Variants in FCN3 observed in about 807,000 individuals in gnomAD.
FCN3 encodes ficolin 3, also known as ficolin-3.
Under a neutral mutation model 31.5 loss-of-function variants are expected in FCN3, and 28 were observed. That is an observed-to-expected ratio of 0.89 (90% CI 0.66 to 1.22). The LOEUF (loss-of-function observed/expected upper bound fraction) is 1.22, where lower values mean the gene tolerates loss of function less well. FCN3 is among the 50% of genes most tolerant of loss of function. FCN3 has a pLI of 0.00. For missense variants in FCN3, 351 were observed against 386.8 expected (o/e 0.91, Z 0.78); for synonymous variants, 124 against 147.4 (o/e 0.84, Z 1.15).
intron 3 of FCN3, 73 bp from the exon 4 acceptor site, chr1:27,373,593 T>G: frequency 6.6e-7 from 1 of 1,519,034 alleles, no homozygotes; most frequent in South Asian, 1.1e-5. Context: ...GTGGAGCCGG[T>G]ACCCAGGCCC....
rs2016180371 is a variant in FCN3, at chr1:27,373,118, C to T, written c.393+18G>A. ...GACCAGTGGGCCTGGCCTGTTAGCC[C>T]ATTTCTCAGACACTCACCAGCCAGC... On this transcript the variant is annotated intron_variant, in intron 5 of 7. Coordinates refer to ENST00000270879, the MANE Select transcript of FCN3 (RefSeq NM_003665.4). 1.2e-6 allele frequency: 2 copies of T among 1,612,766 alleles called. No homozygotes were observed. The highest frequency in any genetic ancestry group is 1.7e-5 in the Admixed American group (1 of 59,916).
intron 7 of FCN3, among the ~76,000 whole-genome samples, chr1:27,369,702 CCT>C (rs949132389): frequency 6.6e-6 from 1 of 151,900 alleles, no homozygotes; most frequent in African/African-American, 2.4e-5. Flanking sequence ...AGCTTTTCCC[CCT>C]GTCTTACCCC....
rs2016125859 is a variant in FCN3 at position 27,370,626 on chromosome 1, C to T, written c.628G>A (p.Ala210Thr). The change falls in exon 7 of 8, where the codon GCA (alanine) becomes ACA (threonine). Residue 210 changes from alanine (A) to threonine (T), a missense_variant. By Grantham distance (58) the Ala-to-Thr change is moderately conservative (BLOSUM62 0). Transcript: ENST00000270879. ...LLGEVDHYQL[A>T]LGKFSEGTAG... Reference sequence around the variant, plus strand: ...GTGCCCTCTGAGAACTTGCCCAGTGCCAGCTGGTAGTGGTCTACCTCACCG... The same window carrying T: ...GTGCCCTCTGAGAACTTGCCCAGTGTCAGCTGGTAGTGGTCTACCTCACCG... 6.2e-7 allele frequency: 1 copy of T among 1,614,232 alleles called. No individual in the cohort carries two copies. Among genetic ancestry groups the T allele is most frequent in the Non-Finnish European group, 8.5e-7 (1 of 1,180,038 alleles).
intron 5 of FCN3, among the ~76,000 whole-genome samples, chr1:27,372,350 C>T (rs558102627): frequency 3.3e-5 from 5 of 151,832 alleles, no homozygotes; most frequent in Non-Finnish European, 7.4e-5. Context: ...GGGGTTCAAG[C>T]AATTCTCCCA....
chr1:27,372,515 TG>T (rs1446853724), intron 5 of FCN3, among the ~76,000 whole-genome samples: 2 of 152,252 alleles, frequency 1.3e-5, no homozygotes, highest in East Asian at 1.9e-4. Context: ...CCCAAAGTGC[TG>T]GGATTATAGG....
intron 4 of FCN3, 93 bp from the exon 5 acceptor site, chr1:27,373,356 T>C (rs528985312): frequency 1.3e-6 from 2 of 1,593,344 alleles, no homozygotes; most frequent in Non-Finnish European, 8.6e-7. Context: ...CTAGGGACCC[T>C]CTTGGCTCCT....
At chr1:27,374,675 C>A in intron 1 of FCN3, 53 bp downstream of exon 1, 1 of 1,112,174 alleles carries the variant, frequency 9.0e-7, no homozygotes, top group Non-Finnish European at 1.2e-6. Flanking sequence ...TGGGGGGACA[C>A]CCAGCGAGGG....
Position 27,373,148 on chromosome 1 carries a change from C to A in FCN3, c.381G>T (p.Gly127=). ...LPVFCDMDTE[G]GGWLVFQRRQ... The stretch of plus-strand genomic sequence containing the variant: ...CTCAGACACTCACCAGCCAGCCGCC[C>A]CCCTCGGTGTCCATGTCACAAAAGA... The change falls in exon 5 of 8, where the codon GGG becomes GGT. Residue 127 remains glycine (G), a synonymous_variant. Coordinates refer to ENST00000270879, the MANE Select transcript of FCN3 (RefSeq NM_003665.4). 6.2e-7 allele frequency: 1 copy of A among 1,613,910 alleles called. No individual in the cohort carries two copies. Among genetic ancestry groups the A allele is most frequent in the Non-Finnish European group, 8.5e-7 (1 of 1,179,932 alleles).
rs780342236 is a variant in FCN3, at chr1:27,374,808, A to C, written c.11T>G (p.Leu4Arg). ...AAGCCACAGGGAGGGCAGGATCCAC[A>C]GTAGATCCATCTTGCTGGGCCCACC... MDL[L>R]WILPSLWLLL... Residue 4 changes from leucine (L) to arginine (R), a missense_variant, in exon 1 of 8, where the codon CTG becomes CGG. Coordinates refer to ENST00000270879, the MANE Select transcript of FCN3 (RefSeq NM_003665.4). 2.9e-6 allele frequency: 4 copies of C among 1,359,884 alleles called. No homozygotes were observed. The East Asian group carries it at 8.2e-5, about 28-fold the overall frequency. The allele number at this position is 1,359,884 out of a possible 1,614,324, so 84.2% of individuals were successfully genotyped here. A position where few individuals can be genotyped will look rare whatever the true frequency, so the allele number is the denominator to read the frequency against.
Position 27,370,898 on chromosome 1 carries a change from G to A in FCN3, c.468C>T (p.Asn156=). The part of the protein sequence containing the change: ...SWSSYRAGFG[N]QESEFWLGNE... ...TTCCCAGCCAGAATTCAGACTCTTG[G>A]TTCCCAAAACCTGCTCTGTAGGAGG... Residue 156 remains asparagine, a synonymous_variant, in exon 6 of 8, where the codon AAC becomes AAT. Coordinates refer to ENST00000270879, the MANE Select transcript of FCN3 (RefSeq NM_003665.4). 6.2e-7 allele frequency: 1 copy of A among 1,614,000 alleles called. No homozygotes were observed. The highest frequency in any genetic ancestry group is 1.1e-5 in the South Asian group (1 of 91,074).
chr1:27,370,825 A>T lies in FCN3; in HGVS notation c.523+18T>A. The T allele has an allele frequency of 6.2e-7, 1 of 1,613,590 alleles. No homozygotes were observed. Among genetic ancestry groups the T allele is most frequent in the Non-Finnish European group, 8.5e-7 (1 of 1,179,662 alleles). ...CAGACAGTAACCCCCAGACTCCAGG[A>T]CCCTGCTGGGAACTCACCCTGGAGA... On this transcript the variant is annotated intron_variant, in intron 6 of 7. Transcript: ENST00000270879.
At chr1:27,374,506 C>T (rs910921583) in intron 1 of FCN3, 55 bp from the exon 2 acceptor site, 1 of 1,129,888 alleles carries the variant, frequency 8.9e-7, no homozygotes, top group South Asian at 1.3e-5. Context: ...TTCCAGACCC[C>T]TCTTCAGTTC....
In FCN3 at chr1:27,370,588, T is replaced by C. The variant is rs2016124812; in HGVS notation, c.658+8A>G. On this transcript the variant is annotated splice_region_variant and intron_variant, in intron 7 of 7. Transcript: ENST00000270879. ...CCTCCTTCCTCTGCTCCCCTTAGGC[T>C]CACTCACCTGCAGTGCCCTCTGAGA... The C allele has an allele frequency of 6.2e-7, 1 of 1,613,334 alleles. No individual in the cohort carries two copies. The highest frequency in any genetic ancestry group is 2.2e-5 in the East Asian group (1 of 44,878).
rs1471737248 is a variant in FCN3 at position 27,373,149 on chromosome 1, C to T, written c.380G>A (p.Gly127Glu). The T allele has an allele frequency of 1.9e-6, 3 of 1,613,954 alleles. No individual in the cohort carries two copies. Residue 127 changes from glycine to glutamate, a missense_variant, in exon 5 of 8, where the codon GGG (glycine) becomes GAG (glutamate). Transcript: ENST00000270879. ...LPVFCDMDTE[G>E]GGWLVFQRRQ... is the part of the protein sequence containing the mutation. ...TCAGACACTCACCAGCCAGCCGCCC[C>T]CCTCGGTGTCCATGTCACAAAAGAC...
intron 5 of FCN3, among the ~76,000 whole-genome samples, chr1:27,372,450 G>A (rs892874527): frequency 2.0e-5 from 3 of 152,096 alleles, no homozygotes; most frequent in African/African-American, 7.2e-5. Context: ...GTTTCACCAT[G>A]TTGGCCAGGC....
chr1:27,372,330 C>A (rs188685893), intron 5 of FCN3, among the ~76,000 whole-genome samples: 1 of 152,084 alleles, frequency 6.6e-6, no homozygotes, highest in African/African-American at 2.4e-5. Context: ...TCACTGCAAC[C>A]ACCACCTCCG....
intron 5 of FCN3, among the ~76,000 whole-genome samples, chr1:27,372,116 C>A (rs1416239997): frequency 1.3e-5 from 2 of 152,126 alleles, no homozygotes; most frequent in African/African-American, 2.4e-5. Context: ...CATGTCCCTG[C>A]CTCCACTGGT....
At chr1:27,374,309 G>C (rs1474123047) in intron 2 of FCN3, 47 bp downstream of exon 2, 2 of 1,392,750 alleles carry the variant, frequency 1.4e-6, no homozygotes, top group Admixed American at 1.7e-5. Flanking sequence ...CTACTTTCCT[G>C]CCTTCCCCAT....
chr1:27,373,145 G>GCCC lies in FCN3; in HGVS notation c.381_383dup (p.Gly129dup). The GCCC allele has an allele frequency of 6.2e-7, 1 of 1,613,768 alleles. No homozygotes were observed. The highest frequency in any genetic ancestry group is 1.1e-5 in the South Asian group (1 of 91,068). On this transcript the variant is annotated inframe_insertion, in exon 5 of 8. Coordinates refer to ENST00000270879, the MANE Select transcript of FCN3 (RefSeq NM_003665.4). Reference sequence around the variant, plus strand: ...TTTCTCAGACACTCACCAGCCAGCCGCCCCCCTCGGTGTCCATGTCACAAA... The same window carrying GCCC: ...TTTCTCAGACACTCACCAGCCAGCCGCCCCCCCCCTCGGTGTCCATGTCACAAA...
Sources: allele counts gnomAD v4.1 joint callset (sites outside exome capture counted in the v4.1 genomes callset), GRCh38; gene constraint gnomAD v4.1.1; transcripts MANE v1.5; gene names NCBI Gene and HGNC (gene_info 2026-07-23, HGNC 2026-07-21).